The following ZBTB20 variants were observed in gnomAD, a reference collection of about 807,000 sequenced individuals.
ZBTB20 encodes zinc finger and BTB domain-containing protein 20.
ZBTB20 carries 9 observed loss-of-function variants against 56.9 expected under a neutral mutation model. That is an observed-to-expected ratio of 0.16 (90% CI 0.10 to 0.28). The LOEUF (loss-of-function observed/expected upper bound fraction) is 0.28, where lower values mean the gene tolerates loss of function less well. Ranked by LOEUF, ZBTB20 falls within the 10% of genes least tolerant of loss-of-function variation. The pLI is 1.00. For missense variants in ZBTB20, 655 were observed against 1,003.0 expected (o/e 0.65, Z 4.69); for synonymous variants, 417 against 420.7 (o/e 0.99, Z 0.11).
At chr3:114,817,410 C>G (rs1037047489) in intron 4 of ZBTB20, among the ~76,000 whole-genome samples, 17 of 151,866 alleles carry the variant, frequency 1.1e-4, no homozygotes, top group Admixed American at 1.3e-4. Context: ...CCGAGCTACT[C>G]AGGAAGCTGA....
intron 7 of ZBTB20, among the ~76,000 whole-genome samples, chr3:114,427,211 CTT>C (rs1314359597): frequency 1.3e-5 from 2 of 152,186 alleles, no homozygotes; most frequent in Admixed American, 6.5e-5. Context: ...CTCTCACCCT[CTT>C]GATTGTTTAA....
At chr3:115,001,151 C>T (rs1482985176) in intron 2 of ZBTB20, among the ~76,000 whole-genome samples, 4 of 149,186 alleles carry the variant, frequency 2.7e-5, no homozygotes, top group Non-Finnish European at 5.9e-5. Flanking sequence ...CAAACTATTA[C>T]TTGTATTGTA....
intron 5 of ZBTB20, among the ~76,000 whole-genome samples, chr3:114,758,567 A>G (rs1426194193): frequency 6.6e-6 from 1 of 152,212 alleles, no homozygotes; most frequent in African/African-American, 2.4e-5. Context: ...TGTTGAAAAT[A>G]ACTAAAGATC....
At chr3:115,146,236 G>A (rs2084965022) in intron 1 of ZBTB20, among the ~76,000 whole-genome samples, 2 of 152,262 alleles carry the variant, frequency 1.3e-5, no homozygotes, top group Middle Eastern at 3.4e-3. Context: ...GTAGCTGTAC[G>A]CCATATTGTG....
intron 4 of ZBTB20, among the ~76,000 whole-genome samples, chr3:114,889,561 C>G (rs980818484): frequency 6.6e-6 from 1 of 151,818 alleles, no homozygotes; most frequent in African/African-American, 2.4e-5. Context: ...GTGTCAGTAG[C>G]TACAATAATT....
intron 10 of ZBTB20, among the ~76,000 whole-genome samples, chr3:114,371,596 A>G (rs1207544450): frequency 6.6e-6 from 1 of 152,214 alleles, no homozygotes; most frequent in East Asian, 1.9e-4. Flanking sequence ...GGTCCTCCAC[A>G]TTGAAAGCAT....
At chr3:115,006,393 T>C (rs1303472331) in intron 2 of ZBTB20, among the ~76,000 whole-genome samples, 2 of 151,694 alleles carry the variant, frequency 1.3e-5, no homozygotes, top group Non-Finnish European at 2.9e-5. Context: ...ATGAATGAAG[T>C]CTTTGTTTTC....
intron 4 of ZBTB20, among the ~76,000 whole-genome samples, chr3:114,871,553 C>T (rs1357492): frequency 0.17 from 26,413 of 152,020 alleles, 3,152 homozygotes; most frequent in Middle Eastern, 0.27. Context: ...TTATTCTCAA[C>T]CTCTGGGATC....
intron 10 of ZBTB20, among the ~76,000 whole-genome samples, chr3:114,373,693 T>C (rs1285154559): frequency 1.3e-5 from 2 of 152,350 alleles, no homozygotes; most frequent in Admixed American, 6.5e-5. Flanking sequence ...TACCCCGTTA[T>C]GTTCCAAAGT....
intron 6 of ZBTB20, among the ~76,000 whole-genome samples, chr3:114,515,659 C>T (rs556859118): frequency 6.6e-6 from 1 of 152,144 alleles, no homozygotes; most frequent in Non-Finnish European, 1.5e-5. Context: ...AAAACAGAGG[C>T]CATCAAATGG....
chr3:115,121,518 A>C (rs542509403), intron 1 of ZBTB20, among the ~76,000 whole-genome samples: 41 of 152,190 alleles, frequency 2.7e-4, no homozygotes, highest in African/African-American at 9.9e-4. Flanking sequence ...AGAGTCAAGA[A>C]GTCAAGAATA....
At chr3:114,677,238 A>G (rs1473902940) in intron 6 of ZBTB20, among the ~76,000 whole-genome samples, 2 of 152,234 alleles carry the variant, frequency 1.3e-5, no homozygotes, top group East Asian at 3.8e-4. Flanking sequence ...GGTCTTGATG[A>G]TGAATCAATT....
chr3:114,991,986 G>T (rs749760652), intron 2 of ZBTB20, among the ~76,000 whole-genome samples: 9 of 151,698 alleles, frequency 5.9e-5, no homozygotes, highest in Admixed American at 3.3e-4. Flanking sequence ...TTTATTTTGA[G>T]CCTATGTGTC....
intron 6 of ZBTB20, among the ~76,000 whole-genome samples, chr3:114,646,590 T>G (rs1010329202): frequency 6.6e-6 from 1 of 151,976 alleles, no homozygotes; most frequent in Admixed American, 6.5e-5. Context: ...TATTGGAGAG[T>G]TAGTTGACTT....
At chr3:114,633,582 T>C (rs1330100460) in intron 6 of ZBTB20, among the ~76,000 whole-genome samples, 1 of 152,112 alleles carries the variant, frequency 6.6e-6, no homozygotes, top group African/African-American at 2.4e-5. Context: ...GAAATGAGAG[T>C]TCCTGGATTT....
At chr3:115,015,490 C>T (rs2079912741) in intron 2 of ZBTB20, among the ~76,000 whole-genome samples, 1 of 151,702 alleles carries the variant, frequency 6.6e-6, no homozygotes, top group Admixed American at 6.6e-5. Flanking sequence ...CTGAGAGGCC[C>T]CAGTATGTGT....
chr3:114,450,808 A>G (rs1227110644), intron 7 of ZBTB20, among the ~76,000 whole-genome samples: 1 of 152,206 alleles, frequency 6.6e-6, no homozygotes, highest in African/African-American at 2.4e-5. Context: ...GGAGAAACCC[A>G]GTAATAACAT....
chr3:114,434,392 A>G (rs2090352249), intron 7 of ZBTB20, among the ~76,000 whole-genome samples: 1 of 152,124 alleles, frequency 6.6e-6, no homozygotes, highest in African/African-American at 2.4e-5. Context: ...GATCCATATA[A>G]GATCGTATTT....
intron 6 of ZBTB20, among the ~76,000 whole-genome samples, chr3:114,570,994 C>T (rs2053367379): frequency 6.6e-6 from 1 of 152,022 alleles, no homozygotes; most frequent in African/African-American, 2.4e-5. Flanking sequence ...CATTTTCTTG[C>T]ACTTTGGACT....
Sources: allele counts gnomAD v4.1 joint callset (sites outside exome capture counted in the v4.1 genomes callset), GRCh38; gene constraint gnomAD v4.1.1; transcripts MANE v1.5; gene names NCBI Gene and HGNC (gene_info 2026-07-23, HGNC 2026-07-21).